The following TRPM3 variants were observed in gnomAD, a reference collection of about 807,000 sequenced individuals.
TRPM3 encodes long transient receptor potential channel 3.
TRPM3 carries 77 observed loss-of-function variants against 181.2 expected under a neutral mutation model. The ratio of observed to expected loss-of-function variants is 0.42; its 90% confidence interval spans 0.35 to 0.51. The LOEUF (loss-of-function observed/expected upper bound fraction) is 0.51. Among genes scored for constraint, TRPM3 ranks in the 20% least tolerant of loss-of-function variants. The probability of loss-of-function intolerance (pLI) is 0.01; values close to 1 mark genes in which losing one functional copy is unlikely to be tolerated. For missense variants in TRPM3, 1,759 were observed against 2,196.7 expected (o/e 0.80, Z 3.98); for synonymous variants, 745 against 796.4 (o/e 0.94, Z 1.09).
At chr9:70,657,746 C>G (rs1224879723) in intron 9 of TRPM3, among the ~76,000 whole-genome samples, 1 of 152,074 alleles carries the variant, frequency 6.6e-6, no homozygotes, top group Non-Finnish European at 1.5e-5. Context: ...ACAGCAATTC[C>G]TGCTAAATCT....
intron 9 of TRPM3, among the ~76,000 whole-genome samples, chr9:70,654,904 C>T (rs956032308): frequency 2.4e-4 from 37 of 151,308 alleles, no homozygotes; most frequent in Middle Eastern, 3.4e-3. Context: ...AGGATGGTCT[C>T]GATCTCCTGA....
chr9:70,552,795 T>C (rs1297944385), intron 24 of TRPM3, 49 bp downstream of exon 24: 18 of 1,593,162 alleles, frequency 1.1e-5, no homozygotes, highest in Non-Finnish European at 1.5e-5. Context: ...CTATAGGAAG[T>C]GGTAGGGATT....
intron 11 of TRPM3, 34 bp from the exon 12 acceptor site, chr9:70,635,295 C>T: frequency 6.2e-7 from 1 of 1,604,158 alleles, no homozygotes; most frequent in South Asian, 1.1e-5. Context: ...AACAGTTTTG[C>T]TAGTCAGGGG....
chr9:70,984,555 T>C (rs952352877), intron 1 of TRPM3, among the ~76,000 whole-genome samples: 2 of 152,144 alleles, frequency 1.3e-5, no homozygotes, highest in African/African-American at 2.4e-5. Flanking sequence ...TAAAAGCTAC[T>C]GGGATTAGCA....
chr9:70,544,752 G>A (rs1195649023), intron 25 of TRPM3, among the ~76,000 whole-genome samples: 2 of 151,406 alleles, frequency 1.3e-5, no homozygotes, highest in East Asian at 3.9e-4. Flanking sequence ...TCTAAAGGGG[G>A]GAAAAAAAGA....
At chr9:71,288,467 C>T (rs1195848854) in intron 1 of TRPM3, among the ~76,000 whole-genome samples, 1 of 152,016 alleles carries the variant, frequency 6.6e-6, no homozygotes, top group Non-Finnish European at 1.5e-5. Context: ...AGAAAGTTCC[C>T]TATTGAAAAA....
chr9:70,742,013 G>A (rs1409413763), intron 8 of TRPM3, among the ~76,000 whole-genome samples: 1 of 152,066 alleles, frequency 6.6e-6, no homozygotes, highest in Non-Finnish European at 1.5e-5. Context: ...TGTGGCTTAA[G>A]CCTGCACCTG....
intron 8 of TRPM3, among the ~76,000 whole-genome samples, chr9:70,739,999 G>T (rs1028239664): frequency 6.6e-6 from 1 of 152,034 alleles, no homozygotes; most frequent in South Asian, 2.1e-4. Context: ...GGAAATAAAG[G>T]GCATCCAAAT....
At chr9:71,249,941 G>C (rs936920526) in intron 1 of TRPM3, among the ~76,000 whole-genome samples, 2 of 152,196 alleles carry the variant, frequency 1.3e-5, no homozygotes, top group African/African-American at 4.8e-5. Context: ...ATCACCATCT[G>C]GTGGTCAATT....
intron 1 of TRPM3, among the ~76,000 whole-genome samples, chr9:71,320,425 T>C (rs762681188): frequency 4.4e-4 from 67 of 151,910 alleles, no homozygotes; most frequent in Admixed American, 9.2e-4. Context: ...CCAACATAGG[T>C]TAGTGTGGCA....
rs183131847 is a variant in TRPM3, at chr9:71,410,472, A to G, written c.183+36181T>C. The stretch of plus-strand genomic sequence containing the variant: ...ATACAAACTACCATCAGAGAATACT[A>G]TAAACACCTCTATGCAAATAAACTA... On this transcript the variant is annotated intron_variant, in intron 1 of 24. Transcript: ENST00000357533. 5.0e-4 allele frequency among the ~76,000 whole-genome samples: 76 copies of G among 152,358 alleles called. 1 individual carries two copies. In the East Asian group the frequency reaches 0.013, roughly 26 times the overall value.
chr9:71,388,639 G>A (rs1282079141), intron 1 of TRPM3, among the ~76,000 whole-genome samples: 1 of 152,052 alleles, frequency 6.6e-6, no homozygotes, highest in African/African-American at 2.4e-5. Flanking sequence ...GAGTATATTC[G>A]GGCCTACAGA....
intron 1 of TRPM3, among the ~76,000 whole-genome samples, chr9:70,999,617 A>G (rs1481435707): frequency 6.6e-6 from 1 of 152,232 alleles, no homozygotes; most frequent in Admixed American, 6.5e-5. Context: ...GCATAGTGTC[A>G]TGGAGCTGGC....
chr9:71,333,357 T>C (rs1352658874), intron 1 of TRPM3, among the ~76,000 whole-genome samples: 1 of 151,964 alleles, frequency 6.6e-6, no homozygotes, highest in East Asian at 1.9e-4. Context: ...AATCCTCTCC[T>C]ATTGAGTGTG....
At chr9:70,846,258 T>C (rs897767034) in intron 4 of TRPM3, 120 bp downstream of exon 4, 3 of 896,990 alleles carry the variant, frequency 3.3e-6, no homozygotes, top group South Asian at 3.0e-5. Flanking sequence ...CCAGCAACTA[T>C]GGACCCATGG....
intron 1 of TRPM3, among the ~76,000 whole-genome samples, chr9:71,088,135 G>A (rs1046656433): frequency 7.2e-5 from 11 of 152,030 alleles, no homozygotes; most frequent in Admixed American, 4.6e-4. Flanking sequence ...AAAACATGTC[G>A]GGTTACAGTG....
At chr9:71,050,071 TAAC>T (rs1054558266) in intron 1 of TRPM3, among the ~76,000 whole-genome samples, 31 of 152,224 alleles carry the variant, frequency 2.0e-4, no homozygotes, top group Non-Finnish European at 3.8e-4. Flanking sequence ...TGAAATGAAA[TAAC>T]AACTGGACCC....
chr9:71,097,751 C>CA (rs2067573736), intron 1 of TRPM3, among the ~76,000 whole-genome samples: 1 of 152,200 alleles, frequency 6.6e-6, no homozygotes, highest in African/African-American at 2.4e-5. Context: ...TCCTAGGTGA[C>CA]AAAATCACCA....
intron 1 of TRPM3, among the ~76,000 whole-genome samples, chr9:71,314,911 G>C (rs1378249649): frequency 6.6e-6 from 1 of 151,696 alleles, no homozygotes; most frequent in Non-Finnish European, 1.5e-5. Flanking sequence ...GCGTGGAAGA[G>C]ATAAGAAAAA....
Sources: gnomAD v4.1 joint callset for allele counts (sites outside exome capture counted in the v4.1 genomes callset) on GRCh38, gnomAD v4.1.1 for gene constraint, MANE v1.5 for transcripts, NCBI Gene and HGNC (gene_info 2026-07-23, HGNC 2026-07-21) for gene names.